Variants in MSI2 observed in about 807,000 individuals in gnomAD.
The protein encoded by MSI2 is RNA-binding protein Musashi homolog 2.
Under a neutral mutation model 45.6 loss-of-function variants are expected in MSI2, and 17 were observed. The ratio of observed to expected loss-of-function variants is 0.37; its 90% CI spans 0.26 to 0.56. The LOEUF is 0.56. MSI2 is among the 20% of genes least tolerant of loss of function. The probability of loss-of-function intolerance (pLI) is 0.77; values close to 1 mark genes in which losing one functional copy is unlikely to be tolerated. For missense variants in MSI2, 293 were observed against 444.2 expected (o/e 0.66, Z 3.06); for synonymous variants, 156 against 158.2 (o/e 0.99, Z 0.11).
chr17:57,674,676 C>T (rs1226322808), intron 11 of MSI2, among the ~76,000 whole-genome samples: 1 of 152,062 alleles, frequency 6.6e-6, no homozygotes, highest in Non-Finnish European at 1.5e-5. Context: ...CAGTGAAGCA[C>T]CTCCGGTTGG....
chr17:57,450,284 AAAGAAAG>A (rs2084983192), intron 6 of MSI2: 1 of 45,136 alleles, frequency 2.2e-5, no homozygotes, highest in South Asian at 2.3e-3. Flanking sequence ...AGAAAGAAAG[AAAGAAAG>A]AAAGAAAGAA....
At chr17:57,645,037 G>A (rs1308901918) in intron 10 of MSI2, among the ~76,000 whole-genome samples, 1 of 152,184 alleles carries the variant, frequency 6.6e-6, no homozygotes, top group Non-Finnish European at 1.5e-5. Context: ...ATACTCCCCA[G>A]CCCATGGGAC....
chr17:57,285,826 A>G, intron 5 of MSI2: 1 of 1,419,412 alleles, frequency 7.0e-7, no homozygotes, highest in Non-Finnish European at 9.1e-7. Context: ...TCAGTTAGCC[A>G]AGCCTCCTAC....
intron 6 of MSI2, among the ~76,000 whole-genome samples, chr17:57,503,141 G>C (rs2143883261): frequency 6.6e-6 from 1 of 152,220 alleles, no homozygotes; most frequent in East Asian, 1.9e-4. Flanking sequence ...ATAAATCACA[G>C]TTCAGGGGTG....
At chr17:57,325,408 C>A (rs1475542668) in intron 5 of MSI2, among the ~76,000 whole-genome samples, 1 of 152,194 alleles carries the variant, frequency 6.6e-6, no homozygotes, top group Non-Finnish European at 1.5e-5. Flanking sequence ...GTATGCAATT[C>A]ATCCATGCAA....
At chr17:57,636,417 G>C (rs750492254) in intron 10 of MSI2, among the ~76,000 whole-genome samples, 1 of 152,146 alleles carries the variant, frequency 6.6e-6, no homozygotes, top group Non-Finnish European at 1.5e-5. Flanking sequence ...TGGGCCACCG[G>C]GGGGAGCAAC....
chr17:57,627,295 A>G lies in MSI2; in HGVS notation c.719A>G (p.Gln240Arg). 6.2e-7 allele frequency: 1 copy of G among 1,614,226 alleles called. No individual in the cohort carries two copies. Among genetic ancestry groups the G allele is most frequent in the Non-Finnish European group, 8.5e-7 (1 of 1,180,030 alleles). The change falls in exon 10 of 14, where the codon CAG (glutamine) becomes CGG (arginine). Residue 240 changes from glutamine to arginine, a missense_variant. Physicochemically the swap from Gln to Arg is conservative, Grantham distance 43 (BLOSUM62 1). Transcript: ENST00000284073. The surrounding 1 kb of genome is among the most constrained non-coding windows in gnomAD (Gnocchi z 4.6). ...YPGFAPSYGYQFPGFPAAAYG... is the reference protein window; with the variant it reads ...YPGFAPSYGYRFPGFPAAAYG... ...GGATTTGCTCCAAGCTATGGCTATC[A>G]GTTCCCAGGTGAGTGGCTTGGTCTC... is the stretch of plus-strand genomic sequence containing the variant.
At position 57,683,931 on chromosome 17, in the gene MSI2, C is replaced by CT. The variant is rs201475229; in HGVS notation, c.*4422dup. 8,280 of 229,802 alleles carry CT rather than the reference C, an allele frequency of 0.036. 197 individuals carry two copies. The highest frequency in any genetic ancestry group is 0.053 in the Non-Finnish European group (6,103 of 115,964). 14.2% of individuals were successfully genotyped at this position (229,802 alleles called of 1,614,324 possible). On this transcript the variant is annotated 3_prime_UTR_variant, in exon 14 of 14. Coordinates refer to ENST00000284073, the MANE Select transcript of MSI2 (RefSeq NM_138962.4). This position sits in a 1 kb window ranked among gnomAD's most constrained non-coding sequence, Gnocchi z 5.2. ...TAATATGTTTGTTTTCTTTTTCTTT[C>CT]TTTTTTTTCTACCAAAAAAAAGTAA...
chr17:57,399,353 A>AG (rs2083946721), intron 5 of MSI2, among the ~76,000 whole-genome samples: 1 of 152,246 alleles, frequency 6.6e-6, no homozygotes. Context: ...AGTAGGGAGT[A>AG]GGTGGTATAC....
chr17:57,619,021 A>ACTTGGT (rs1908020308), intron 9 of MSI2, among the ~76,000 whole-genome samples: 1 of 152,156 alleles, frequency 6.6e-6, no homozygotes, highest in African/African-American at 2.4e-5. Context: ...TCTGAGTCTA[A>ACTTGGT]CTTGGTACCC....
chr17:57,275,321 A>G (rs9891789), intron 5 of MSI2, among the ~76,000 whole-genome samples: 66,874 of 152,068 alleles, frequency 0.44, 16,756 homozygotes, highest in African/African-American at 0.69. Flanking sequence ...CCAAGAGGAG[A>G]GAGTAACTTC....
chr17:57,519,492 C>G (rs1046690134), intron 6 of MSI2, among the ~76,000 whole-genome samples: 2 of 152,274 alleles, frequency 1.3e-5, no homozygotes, highest in South Asian at 4.2e-4. Context: ...AGTTCCAGCT[C>G]TGCTAGAGGC....
At chr17:57,636,450 C>A (rs1413515508) in intron 10 of MSI2, among the ~76,000 whole-genome samples, 1 of 152,196 alleles carries the variant, frequency 6.6e-6, no homozygotes, top group East Asian at 1.9e-4. Flanking sequence ...CCATCCACCC[C>A]CTCCTCTAGC....
At chr17:57,349,841 G>A (rs1764681234) in intron 5 of MSI2, among the ~76,000 whole-genome samples, 1 of 152,206 alleles carries the variant, frequency 6.6e-6, no homozygotes, top group Non-Finnish European at 1.5e-5. Flanking sequence ...GCTTTTTAAA[G>A]CCAATTTCAG....
chr17:57,488,892 G>A (rs1263531671), intron 6 of MSI2, among the ~76,000 whole-genome samples: 1 of 152,054 alleles, frequency 6.6e-6, no homozygotes, highest in Non-Finnish European at 1.5e-5. Context: ...GTGCAGACAC[G>A]ATAAGAGGGA....
At chr17:57,455,458 T>C (rs1244135659) in intron 6 of MSI2, among the ~76,000 whole-genome samples, 1 of 152,132 alleles carries the variant, frequency 6.6e-6, no homozygotes, top group African/African-American at 2.4e-5. Flanking sequence ...TTTAAAACCC[T>C]GAAAAAGGGG....
At chr17:57,495,473 C>T (rs951684543) in intron 6 of MSI2, among the ~76,000 whole-genome samples, 1 of 140,210 alleles carries the variant, frequency 7.1e-6, no homozygotes, top group African/African-American at 2.7e-5. Context: ...GCGGAGGTTG[C>T]AGTGAGCCAA....
intron 11 of MSI2, among the ~76,000 whole-genome samples, chr17:57,658,994 A>AG (rs1258284306): frequency 6.6e-6 from 1 of 151,970 alleles, no homozygotes; most frequent in African/African-American, 2.4e-5. Flanking sequence ...GAACCATCCA[A>AG]GGAGCATGTG....
rs372491045 is a variant in MSI2 at position 57,603,979 on chromosome 17, G to A, written c.537+7029G>A. 3.9e-4 allele frequency among the ~76,000 whole-genome samples: 60 copies of A among 152,388 alleles called. No homozygotes were observed. The East Asian group carries it at 0.011, about 27-fold the overall frequency. ...AAACAGGCACACGAGTTTGGGGATA[G>A]CAGCCTGTGGAAAGTATCAGTGCCT... On this transcript the variant is annotated intron_variant, in intron 8 of 13. Coordinates refer to ENST00000284073, the MANE Select transcript of MSI2 (RefSeq NM_138962.4).
Sources: gnomAD v4.1 joint callset for allele counts (sites outside exome capture counted in the v4.1 genomes callset) on GRCh38, gnomAD v4.1.1 for gene constraint, Gnocchi (gnomAD v3.1) non-coding constraint, MANE v1.5 for transcripts, NCBI Gene and HGNC (gene_info 2026-07-23, HGNC 2026-07-21) for gene names.